Variants in CA8 observed in about 807,000 individuals in gnomAD.
The protein encoded by CA8 is carbonic anhydrase 8 (inactive).
A neutral mutation model predicts 41.4 loss-of-function variants in CA8; 22 were observed. The ratio of observed to expected loss-of-function variants is 0.53; its 90% CI spans 0.38 to 0.76. The LOEUF (loss-of-function observed/expected upper bound fraction) is 0.76. CA8 is among the 30% of genes least tolerant of loss of function. The pLI, the probability that CA8 is intolerant of heterozygous loss-of-function variation, is 0.00. For synonymous variants in CA8, 121 were observed against 130.6 expected (o/e 0.93, Z 0.50); for missense variants, 270 against 352.8 (o/e 0.77, Z 1.88).
intron 3 of CA8, among the ~76,000 whole-genome samples, chr8:60,260,018 T>C (rs891119777): frequency 1.3e-5 from 2 of 152,246 alleles, no homozygotes; most frequent in African/African-American, 4.8e-5. Context: ...TAACTCCTCT[T>C]AATACAAACC....
chr8:60,274,443 G>A (rs1804164747), intron 2 of CA8, among the ~76,000 whole-genome samples: 1 of 152,150 alleles, frequency 6.6e-6, no homozygotes, highest in Admixed American at 6.5e-5. Context: ...ACAGGAAGAA[G>A]GCCACAAGAG....
chr8:60,222,128 G>A (rs751924730), intron 7 of CA8, among the ~76,000 whole-genome samples: 9 of 152,152 alleles, frequency 5.9e-5, no homozygotes, highest in Non-Finnish European at 1.2e-4. Flanking sequence ...CCCACCCACC[G>A]TGCAGTACCA....
chr8:60,247,822 A>G (rs1424216824), intron 3 of CA8, among the ~76,000 whole-genome samples: 2 of 152,230 alleles, frequency 1.3e-5, no homozygotes, highest in East Asian at 3.8e-4. Flanking sequence ...TCCTTGAGGA[A>G]TCGCCACACT....
At position 60,189,133 on chromosome 8, in the gene CA8, T is replaced by C. The variant is rs954859327; in HGVS notation, c.*888A>G. The C allele has an allele frequency of 6.6e-6, 1 of 152,146 alleles. No individual in the cohort carries two copies. Among genetic ancestry groups the C allele is most frequent in the African/African-American group, 2.4e-5 (1 of 41,446 alleles). The allele number at this position is 152,146 out of a possible 1,614,324, so 9.4% of individuals were successfully genotyped here. On this transcript the variant is annotated 3_prime_UTR_variant, in exon 9 of 9. Coordinates refer to ENST00000317995, the MANE Select transcript of CA8 (RefSeq NM_004056.6). ...ATATTGTTGGTCATCTTTAAAGAAA[T>C]GTCTTAACATACCAAAGTAGTGGAA...
intron 8 of CA8, among the ~76,000 whole-genome samples, chr8:60,205,589 C>T (rs1806551235): frequency 6.6e-5 from 10 of 152,136 alleles, no homozygotes; most frequent in Admixed American, 6.5e-4. Flanking sequence ...ATTAGCACCG[C>T]TGAACCAAAG....
rs145263524 is a variant in CA8, at chr8:60,236,339, T to C, written c.418-3960A>G. On this transcript the variant is annotated intron_variant, in intron 3 of 8. Transcript: ENST00000317995. The stretch of plus-strand genomic sequence containing the variant: ...TGAATTTCCAGCTTTTGGCCTACCT[T>C]GCAGATTTCAGATTTGCCAGCCCCC... Among the ~76,000 whole-genome samples, 14 of 152,328 alleles carry C rather than the reference T, an allele frequency of 9.2e-5. No individual in the cohort carries two copies. In the East Asian group the frequency reaches 2.5e-3, roughly 27 times the overall value.
intron 7 of CA8, among the ~76,000 whole-genome samples, chr8:60,221,473 C>T (rs13266842): frequency 0.34 from 51,971 of 151,984 alleles, 9,568 homozygotes; most frequent in Admixed American, 0.43. Flanking sequence ...AACACATCAC[C>T]AGTGATAAGT....
intron 5 of CA8, among the ~76,000 whole-genome samples, chr8:60,225,408 C>T (rs1807397742): frequency 6.6e-6 from 1 of 152,156 alleles, no homozygotes; most frequent in African/African-American, 2.4e-5. Context: ...CCTCCCCGAT[C>T]CCCCTGAATT....
At chr8:60,229,583 C>T (rs1489751295) in intron 4 of CA8, among the ~76,000 whole-genome samples, 1 of 152,218 alleles carries the variant, frequency 6.6e-6, no homozygotes, top group Non-Finnish European at 1.5e-5. Flanking sequence ...AGTCTCTTCA[C>T]CCGTCAGTCC....
Position 60,226,901 on chromosome 8 carries a change from G to A in CA8, c.548C>T (p.Thr183Ile). 1.9e-6 allele frequency: 3 copies of A among 1,602,514 alleles called. No individual in the cohort carries two copies. Among genetic ancestry groups the A allele is most frequent in the Non-Finnish European group, 2.6e-6 (3 of 1,169,740 alleles). Reference sequence around the variant, plus strand: ...ATACTGAATATCTTGGAGGATTTCAGTCACAGCCTTCAAGCCAACATGTTC... The same window carrying A: ...ATACTGAATATCTTGGAGGATTTCAATCACAGCCTTCAAGCCAACATGTTC... ...GKEHVGLKAV[T>I]EILQDIQYKG... Residue 183 changes from threonine (T) to isoleucine (I), a missense_variant, in exon 5 of 9, where the codon ACT (threonine) becomes ATT (isoleucine). By Grantham distance (89) the Thr-to-Ile change is moderately conservative (BLOSUM62 -1). Coordinates refer to ENST00000317995, the MANE Select transcript of CA8 (RefSeq NM_004056.6).
intron 8 of CA8, among the ~76,000 whole-genome samples, chr8:60,203,959 G>A (rs566451913): frequency 1.3e-5 from 2 of 152,124 alleles, no homozygotes; most frequent in East Asian, 1.9e-4. Context: ...TCCAGTGCTC[G>A]AAGGGCCTTT....
intron 2 of CA8, among the ~76,000 whole-genome samples, chr8:60,273,489 C>A (rs1413969065): frequency 6.6e-6 from 1 of 152,206 alleles, no homozygotes; most frequent in Non-Finnish European, 1.5e-5. Flanking sequence ...AGCTCCTTTG[C>A]TCTCTTATGG....
intron 4 of CA8, among the ~76,000 whole-genome samples, chr8:60,230,605 CTCCTTCCT>C (rs943613664): frequency 2.2e-4 from 33 of 151,812 alleles, no homozygotes; most frequent in East Asian, 2.1e-3. Context: ...CCCTCCTTCC[CTCCTTCCT>C]TCCTTCCTGA....
At chr8:60,266,622 C>T (rs1803909018) in intron 2 of CA8, among the ~76,000 whole-genome samples, 1 of 152,122 alleles carries the variant, frequency 6.6e-6, no homozygotes, top group Non-Finnish European at 1.5e-5. Context: ...CAAAATAAAA[C>T]TGCAATAAAA....
intron 8 of CA8, chr8:60,208,468 T>G: frequency 2.5e-6 from 1 of 393,856 alleles, no homozygotes; most frequent in Non-Finnish European, 4.8e-6. Context: ...ATGTCACTTT[T>G]TCTGGGCCTG....
intron 2 of CA8, among the ~76,000 whole-genome samples, chr8:60,267,484 T>G (rs1803938095): frequency 6.6e-6 from 1 of 152,200 alleles, no homozygotes; most frequent in Non-Finnish European, 1.5e-5. Flanking sequence ...TCATGTATGA[T>G]TTTAGATTTT....
rs558465687 is a variant in CA8, at chr8:60,188,836, G to A, written c.*1185C>T. The A allele has an allele frequency of 2.0e-5, 3 of 152,158 alleles. No individual in the cohort carries two copies. Among genetic ancestry groups the A allele is most frequent in the East Asian group, 3.9e-4 (2 of 5,184 alleles). 9.4% of individuals were successfully genotyped at this position (152,158 alleles called of 1,614,324 possible). On this transcript the variant is annotated 3_prime_UTR_variant, in exon 9 of 9. Coordinates refer to ENST00000317995, the MANE Select transcript of CA8 (RefSeq NM_004056.6). ...TGTATTTAATGCTTCCATTATTACC[G>A]TCTCTACTCAACACATCTAAAAACT...
chr8:60,220,781 C>T (rs531272438), intron 7 of CA8, among the ~76,000 whole-genome samples: 16 of 152,230 alleles, frequency 1.1e-4, no homozygotes, highest in African/African-American at 2.9e-4. Context: ...CAGCCTCCCC[C>T]GCCGTTAGGG....
intron 3 of CA8, among the ~76,000 whole-genome samples, chr8:60,239,855 T>G (rs1807959461): frequency 6.6e-6 from 1 of 152,218 alleles, no homozygotes; most frequent in South Asian, 2.1e-4. Flanking sequence ...TGGCTCTCAC[T>G]CTGTCTCTTG....
Sources: gnomAD v4.1 joint callset for allele counts (sites outside exome capture counted in the v4.1 genomes callset) on GRCh38, gnomAD v4.1.1 for gene constraint, MANE v1.5 for transcripts, NCBI Gene and HGNC (gene_info 2026-07-23, HGNC 2026-07-21) for gene names.